KIAA1328: variants seen among roughly 807,000 people sequenced by gnomAD.
The protein encoded by KIAA1328 is protein hinderin.
A neutral mutation model predicts 68.1 loss-of-function variants in KIAA1328; 52 were observed. The observed-to-expected ratio is 0.76, with a 90% CI of 0.61 to 0.96. KIAA1328 has a LOEUF of 0.96. KIAA1328 is among the 40% of genes least tolerant of loss of function. KIAA1328 has a pLI of 0.00. For missense variants in KIAA1328, 641 were observed against 677.6 expected, an observed-to-expected ratio of 0.95 and a Z score of 0.60; for synonymous variants, 232 against 239.4, an observed-to-expected ratio of 0.97 and a Z score of 0.28.
At chr18:37,105,662 A>G (rs1217248784) in intron 7 of KIAA1328, among the ~76,000 whole-genome samples, 2 of 151,980 alleles carry the variant, frequency 1.3e-5, no homozygotes, top group African/African-American at 2.4e-5. Context: ...ACAGTGGCTC[A>G]TGCCTATTAT....
At chr18:37,106,422 C>CTT (rs1314317662) in intron 7 of KIAA1328, among the ~76,000 whole-genome samples, 63 of 140,176 alleles carry the variant, frequency 4.5e-4, no homozygotes, top group Admixed American at 1.1e-3. Context: ...CTAAAAATCA[C>CTT]TTTTTTTTTT....
chr18:36,924,314 G>C (rs1430470027), intron 5 of KIAA1328, among the ~76,000 whole-genome samples: 1 of 152,150 alleles, frequency 6.6e-6, no homozygotes, highest in African/African-American at 2.4e-5. Context: ...CTCTCTAACA[G>C]CCAAGTTGTC....
chr18:37,044,532 T>C (rs932519537), intron 6 of KIAA1328, among the ~76,000 whole-genome samples: 1 of 152,112 alleles, frequency 6.6e-6, no homozygotes, highest in African/African-American at 2.4e-5. Context: ...ACATGGTGGC[T>C]CATGCCTGTA....
chr18:37,031,570 G>C (rs375169297), intron 6 of KIAA1328, among the ~76,000 whole-genome samples: 1 of 151,990 alleles, frequency 6.6e-6, no homozygotes. Flanking sequence ...AATTAAAGTA[G>C]GGCTTTCATA....
intron 4 of KIAA1328, among the ~76,000 whole-genome samples, chr18:36,867,121 T>A (rs1264296141): frequency 6.6e-6 from 1 of 152,210 alleles, no homozygotes; most frequent in Non-Finnish European, 1.5e-5. Flanking sequence ...AGGTGTGTCC[T>A]GGTGGGAGGT....
At chr18:37,191,244 T>C (rs1356784107) in intron 9 of KIAA1328, among the ~76,000 whole-genome samples, 1 of 152,232 alleles carries the variant, frequency 6.6e-6, no homozygotes, top group Non-Finnish European at 1.5e-5. Context: ...TTCTTCTTTT[T>C]TTAAATTTAA....
chr18:36,982,175 A>G (rs1042573751), intron 6 of KIAA1328, among the ~76,000 whole-genome samples: 30 of 146,026 alleles, frequency 2.1e-4, no homozygotes, highest in African/African-American at 7.2e-4. Context: ...TATAATATAT[A>G]TAACTGGAGT....
At chr18:37,140,155 C>G (rs1460876706) in intron 7 of KIAA1328, among the ~76,000 whole-genome samples, 1 of 152,052 alleles carries the variant, frequency 6.6e-6, no homozygotes, top group Non-Finnish European at 1.5e-5. Flanking sequence ...TTAAATTATT[C>G]AAGTCTCAGA....
chr18:37,011,606 T>TA (rs35122102), intron 6 of KIAA1328, among the ~76,000 whole-genome samples: 1 of 151,946 alleles, frequency 6.6e-6, no homozygotes, highest in Non-Finnish European at 1.5e-5. Flanking sequence ...TGATATTCAC[T>TA]AAAAAAAGGA....
intron 9 of KIAA1328, among the ~76,000 whole-genome samples, chr18:37,219,867 A>G (rs2060523918): frequency 6.6e-6 from 1 of 152,064 alleles, no homozygotes; most frequent in South Asian, 2.1e-4. Flanking sequence ...GAGATGAACC[A>G]GGTACCTCAG....
intron 5 of KIAA1328, among the ~76,000 whole-genome samples, chr18:36,927,794 T>G (rs1598736481): frequency 3.8e-5 from 5 of 131,856 alleles, no homozygotes; most frequent in South Asian, 2.4e-4. Context: ...ATGAGTGGGG[T>G]GGAAGGAAGA....
At chr18:36,969,902 T>C (rs2052109660) in intron 6 of KIAA1328, among the ~76,000 whole-genome samples, 1 of 152,118 alleles carries the variant, frequency 6.6e-6, no homozygotes, top group Non-Finnish European at 1.5e-5. Context: ...GTACCATTCC[T>C]TCTCACACTA....
intron 7 of KIAA1328, among the ~76,000 whole-genome samples, chr18:37,155,677 G>C (rs1342611943): frequency 6.6e-6 from 1 of 152,072 alleles, no homozygotes; most frequent in East Asian, 1.9e-4. Context: ...TTTCTCCTGA[G>C]AGCCTTTCAG....
chr18:37,209,823 G>T (rs1225410220), intron 9 of KIAA1328, among the ~76,000 whole-genome samples: 1 of 152,208 alleles, frequency 6.6e-6, no homozygotes, highest in African/African-American at 2.4e-5. Context: ...AAAGATATCA[G>T]GTAGCAGTTG....
chr18:36,962,912 G>C (rs2051751611), intron 6 of KIAA1328, among the ~76,000 whole-genome samples: 1 of 152,138 alleles, frequency 6.6e-6, no homozygotes, highest in African/African-American at 2.4e-5. Flanking sequence ...AAAAGACCTA[G>C]AGAAGCAAGA....
intron 6 of KIAA1328, among the ~76,000 whole-genome samples, chr18:37,019,503 A>C (rs2054267094): frequency 6.6e-6 from 1 of 152,226 alleles, no homozygotes; most frequent in Non-Finnish European, 1.5e-5. Context: ...ACACCTACAG[A>C]TCCCCTGATG....
chr18:36,917,075 C>T (rs1444879162), intron 5 of KIAA1328, among the ~76,000 whole-genome samples: 1 of 152,176 alleles, frequency 6.6e-6, no homozygotes, highest in Admixed American at 6.5e-5. Flanking sequence ...AAAATCCCTG[C>T]TCATAACATC....
At chr18:37,125,947 TA>T (rs535775291) in intron 7 of KIAA1328, among the ~76,000 whole-genome samples, 293 of 152,154 alleles carry the variant, frequency 1.9e-3, no homozygotes, top group Admixed American at 2.5e-3. Flanking sequence ...TGGTATGTCA[TA>T]TTTTTTTTAC....
downstream of KIAA1328, chr18:37,230,497 C>T (rs2060659652): frequency 6.6e-6 from 1 of 152,216 alleles, no homozygotes; most frequent in Admixed American, 6.5e-5. Context: ...TTTCTGATTT[C>T]TCCTTTAGTC....
Sources: allele counts gnomAD v4.1 joint callset (sites outside exome capture counted in the v4.1 genomes callset), GRCh38; gene constraint gnomAD v4.1.1; transcripts MANE v1.5; gene names NCBI Gene and HGNC (gene_info 2026-07-23, HGNC 2026-07-21).